MAP3K15: variants seen among roughly 807,000 people sequenced by gnomAD.
MAP3K15 encodes the protein mitogen-activated protein kinase kinase kinase 15, also known as MAPK/ERK kinase kinase 15.
In MAP3K15, 124 loss-of-function variants were observed where a neutral mutation model predicts 99.5. That is an observed-to-expected ratio of 1.25 (90% CI 1.08 to 1.45). The LOEUF is 1.45. Ranked by LOEUF, MAP3K15 falls within the 40% of genes most tolerant of loss-of-function variation. MAP3K15 has a pLI of 0.00. For synonymous variants in MAP3K15, 494 were observed against 439.6 expected (o/e 1.12, Z -1.55); for missense variants, 1,242 against 1,079.7 (o/e 1.15, Z -2.11).
intron 9 of MAP3K15, among the ~76,000 whole-genome samples, chrX:19,420,877 C>T (rs1331620870): frequency 8.9e-6 from 1 of 111,816 alleles, no homozygotes; most frequent in Non-Finnish European, 1.9e-5. Context: ...GCTGGTTCAA[C>T]ACATGCAAAT....
chrX:19,413,695 A>AGGG (rs2063708762), intron 10 of MAP3K15, among the ~76,000 whole-genome samples: 2 of 82,395 alleles, frequency 2.4e-5, no homozygotes, highest in African/African-American at 5.1e-5. Flanking sequence ...GGGGTGGGGA[A>AGGG]GATGAAAGGA....
chrX:19,484,618 G>GGGAAGA (rs1481963359), intron 3 of MAP3K15, among the ~76,000 whole-genome samples: 1 of 111,636 alleles, frequency 9.0e-6, no homozygotes, highest in Non-Finnish European at 1.9e-5. Context: ...CCAAGTCTCC[G>GGGAAGA]GGACGAGAGA....
At chrX:19,381,923 C>A (rs2063460480) in intron 18 of MAP3K15, among the ~76,000 whole-genome samples, 1 of 111,616 alleles carries the variant, frequency 9.0e-6, no homozygotes, top group African/African-American at 3.3e-5. Context: ...AAAGGCCTAT[C>A]TGAGGATTAC....
At chrX:19,471,977 C>T (rs2064210542) in intron 3 of MAP3K15, among the ~76,000 whole-genome samples, 1 of 111,698 alleles carries the variant, frequency 9.0e-6, no homozygotes, top group Non-Finnish European at 1.9e-5. Flanking sequence ...AATCCCAGCA[C>T]TTTGGGAGGC....
At chrX:19,452,065 GAA>G (rs1396852060) in intron 6 of MAP3K15, among the ~76,000 whole-genome samples, 3 of 3,364 alleles carry the variant, frequency 8.9e-4, no homozygotes, top group East Asian at 0.33. Flanking sequence ...TCAGAGAAGA[GAA>G]GAGAAGAGAA....
At chrX:19,388,670 A>T (rs768466702) in intron 18 of MAP3K15, among the ~76,000 whole-genome samples, 1 of 112,025 alleles carries the variant, frequency 8.9e-6, no homozygotes, top group Admixed American at 9.5e-5. Context: ...ACTGAGGCAC[A>T]TGGAGGTTAA....
At chrX:19,428,425 C>T (rs2063850400) in intron 7 of MAP3K15, among the ~76,000 whole-genome samples, 1 of 111,358 alleles carries the variant, frequency 9.0e-6, no homozygotes, top group African/African-American at 3.3e-5. Context: ...AACTTCCCTT[C>T]GATACCCTGA....
chrX:19,453,330 G>A (rs781122890), intron 6 of MAP3K15, among the ~76,000 whole-genome samples: 1 of 109,290 alleles, frequency 9.1e-6, no homozygotes, highest in South Asian at 4.1e-4. Flanking sequence ...GTGAAACCTC[G>A]TCTCTACTAA....
intron 4 of MAP3K15, among the ~76,000 whole-genome samples, chrX:19,463,460 G>A: frequency 8.9e-6 from 1 of 111,966 alleles, no homozygotes; most frequent in South Asian, 3.7e-4. Context: ...CCTTCTCCTT[G>A]TGACACAACT....
chrX:19,371,345 G>C lies in MAP3K15; in HGVS notation c.3294C>G (p.Ala1098=), dbSNP rs140041575. 9.2e-6 allele frequency: 11 copies of C among 1,201,080 alleles called. No individual in the cohort carries two copies. The highest frequency in any genetic ancestry group is 5.3e-5 in the South Asian group (3 of 56,281). The change falls in exon 23 of 29, where the codon GCC becomes GCG. Residue 1098 remains alanine, a splice_region_variant and synonymous_variant. Transcript: ENST00000338883. Reference sequence around the variant, plus strand: ...CCCTAGGGCCAGATGGAGCACTTACGGCATCCTGAAATCCGAACAGCACCA... The same window carrying C: ...CCCTAGGGCCAGATGGAGCACTTACCGCATCCTGAAATCCGAACAGCACCA... ...IHLVLFGFQD[A]VNKILRNHLI...
intron 10 of MAP3K15, 36 bp downstream of exon 10, chrX:19,415,071 C>T (rs1396044702): frequency 1.4e-5 from 15 of 1,091,672 alleles, no homozygotes; most frequent in Admixed American, 7.1e-5. Context: ...AGTTTTTTTC[C>T]TAATCTTAAA....
At chrX:19,480,808 ACT>A (rs1206918410) in intron 3 of MAP3K15, among the ~76,000 whole-genome samples, 36 of 101,833 alleles carry the variant, frequency 3.5e-4, no homozygotes, top group African/African-American at 1.1e-3. Context: ...CTGGAGTGAA[ACT>A]CTGTCTCAAA....
intron 6 of MAP3K15, among the ~76,000 whole-genome samples, chrX:19,456,311 C>G (rs1466496686): frequency 8.9e-6 from 1 of 111,915 alleles, no homozygotes; most frequent in Non-Finnish European, 1.9e-5. Flanking sequence ...TGAGAACGAA[C>G]AAACCACTAA....
chrX:19,466,008 C>T (rs943605177), intron 3 of MAP3K15, among the ~76,000 whole-genome samples: 1 of 109,969 alleles, frequency 9.1e-6, no homozygotes, highest in Admixed American at 9.8e-5. Flanking sequence ...GGCTGCAGTG[C>T]GGTGGCACAA....
chrX:19,461,658 T>G (rs954246107), intron 4 of MAP3K15, among the ~76,000 whole-genome samples: 1 of 110,991 alleles, frequency 9.0e-6, no homozygotes, highest in Non-Finnish European at 1.9e-5. Context: ...TAAGTGGAGG[T>G]AGGACACTGC....
intron 12 of MAP3K15, among the ~76,000 whole-genome samples, chrX:19,408,314 C>G (rs1170394148): frequency 8.9e-6 from 1 of 111,931 alleles, no homozygotes; most frequent in African/African-American, 3.2e-5. Flanking sequence ...ACAGAAGGAT[C>G]TTGACTACCT....
intron 22 of MAP3K15, among the ~76,000 whole-genome samples, chrX:19,372,193 C>T (rs762636249): frequency 5.5e-5 from 6 of 109,702 alleles, no homozygotes; most frequent in Non-Finnish European, 1.1e-4. Flanking sequence ...GGAGGGGAAT[C>T]GGTTTGCCAG....
chrX:19,437,022 G>A (rs1163016508), intron 6 of MAP3K15, among the ~76,000 whole-genome samples: 2 of 112,000 alleles, frequency 1.8e-5, no homozygotes, highest in Non-Finnish European at 3.8e-5. Context: ...TTCTTCTACA[G>A]TCTTCCTCTT....
intron 6 of MAP3K15, among the ~76,000 whole-genome samples, chrX:19,447,883 C>CAAAAA (rs753152404): frequency 3.9e-5 from 1 of 25,958 alleles, no homozygotes; most frequent in Non-Finnish European, 6.9e-5. Flanking sequence ...GACTCCGTCT[C>CAAAAA]AAAAAAAAAA....
Sources: gnomAD v4.1 joint callset for allele counts (sites outside exome capture counted in the v4.1 genomes callset) on GRCh38, gnomAD v4.1.1 for gene constraint, MANE v1.5 for transcripts, NCBI Gene and HGNC (gene_info 2026-07-23, HGNC 2026-07-21) for gene names.